SLC24A3: variants seen among roughly 807,000 people sequenced by gnomAD.
SLC24A3 encodes the protein solute carrier family 24 member 3, also known as sodium/potassium/calcium exchanger 3.
SLC24A3 carries 28 observed loss-of-function variants against 75.8 expected under a neutral mutation model. The ratio of observed to expected loss-of-function variants is 0.37; its 90% CI spans 0.27 to 0.51. The LOEUF is 0.51. SLC24A3 is among the 20% of genes least tolerant of loss of function. SLC24A3 has a pLI of 0.94. For missense variants in SLC24A3, 663 were observed against 847.8 expected, an observed-to-expected ratio of 0.78 and a Z score of 2.71; for synonymous variants, 372 against 334.1, an observed-to-expected ratio of 1.11 and a Z score of -1.24.
At chr20:19,640,755 T>A (rs6046217) in intron 6 of SLC24A3, among the ~76,000 whole-genome samples, 98,147 of 152,034 alleles carry the variant, frequency 0.65, 32,567 homozygotes, top group African/African-American at 0.77. Flanking sequence ...GTTTCAGAAA[T>A]TATATATGTA....
At chr20:19,214,989 C>A (rs866712274) in intron 1 of SLC24A3, among the ~76,000 whole-genome samples, 1 of 152,122 alleles carries the variant, frequency 6.6e-6, no homozygotes, top group African/African-American at 2.4e-5. Context: ...CCCTGTGTTG[C>A]CCCCGAATGA....
At chr20:19,345,372 A>G in intron 2 of SLC24A3, among the ~76,000 whole-genome samples, 1 of 152,210 alleles carries the variant, frequency 6.6e-6, no homozygotes. Context: ...AAATCTCAGT[A>G]ATTTATTTTG....
At chr20:19,550,643 G>A (rs1001808941) in intron 3 of SLC24A3, among the ~76,000 whole-genome samples, 3 of 152,234 alleles carry the variant, frequency 2.0e-5, no homozygotes, top group Non-Finnish European at 2.9e-5. Flanking sequence ...CTAGGTTTTC[G>A]GCCAAGATAT....
At chr20:19,613,642 A>T (rs1018749677) in intron 6 of SLC24A3, among the ~76,000 whole-genome samples, 1 of 152,144 alleles carries the variant, frequency 6.6e-6, no homozygotes, top group African/African-American at 2.4e-5. Flanking sequence ...TGGCCTCAAG[A>T]CACCTGTTCC....
rs115724711 is a variant in SLC24A3, at chr20:19,277,957, G to A, written c.143-3002G>A. Among the ~76,000 whole-genome samples, 1,243 of 152,250 alleles carry A rather than the reference G, an allele frequency of 8.2e-3. 19 individuals are homozygous for A. Among genetic ancestry groups the A allele is most frequent in the African/African-American group, 0.029 (1,191 of 41,536 alleles). ...CCTTGACCCAGAGAACAGTGGAATG[G>A]CCACGCTGCTGGCCACAGCATGACT... On this transcript the variant is annotated intron_variant, in intron 1 of 16. Transcript: ENST00000328041.
In SLC24A3 at chr20:19,663,046, C is replaced by G. The variant is rs1332721005; in HGVS notation, c.688-2818C>G. Among the ~76,000 whole-genome samples, 4 of 152,258 alleles carry G rather than the reference C, an allele frequency of 2.6e-5. No homozygotes were observed. The East Asian group carries it at 7.8e-4, about 30-fold the overall frequency. On this transcript the variant is annotated intron_variant, in intron 7 of 16. Transcript: ENST00000328041. ...TTGATAGCTCATCTCCACCTTCTTT[C>G]TCATGATGAGGAAGCCCTGCTTCTG... is the stretch of plus-strand genomic sequence containing the variant.
intron 2 of SLC24A3, among the ~76,000 whole-genome samples, chr20:19,346,611 T>C (rs1384061548): frequency 1.3e-5 from 2 of 152,050 alleles, no homozygotes; most frequent in Non-Finnish European, 2.9e-5. Flanking sequence ...AAACATCATA[T>C]GTTCTCACTC....
chr20:19,410,595 C>T (rs1051864542), intron 2 of SLC24A3, among the ~76,000 whole-genome samples: 2 of 151,972 alleles, frequency 1.3e-5, no homozygotes, highest in Admixed American at 6.6e-5. Flanking sequence ...GAAAAATAAG[C>T]GTGGTTCTCT....
At chr20:19,252,297 C>T (rs2122181312) in intron 1 of SLC24A3, among the ~76,000 whole-genome samples, 1 of 152,304 alleles carries the variant, frequency 6.6e-6, no homozygotes, top group African/African-American at 2.4e-5. Context: ...TGGAGCCAGT[C>T]TTTCAACAGC....
At chr20:19,575,734 A>G (rs1262314340) in intron 3 of SLC24A3, among the ~76,000 whole-genome samples, 6 of 152,142 alleles carry the variant, frequency 3.9e-5, no homozygotes, top group Admixed American at 3.9e-4. Flanking sequence ...CAGCCCAAGC[A>G]TTTTCAGGAG....
At chr20:19,530,230 G>A (rs1330929094) in intron 3 of SLC24A3, among the ~76,000 whole-genome samples, 2 of 152,196 alleles carry the variant, frequency 1.3e-5, no homozygotes, top group African/African-American at 4.8e-5. Flanking sequence ...TAAGACATGG[G>A]CAGAGACTTT....
At chr20:19,678,305 C>G (rs1401663446) in intron 9 of SLC24A3, among the ~76,000 whole-genome samples, 6 of 137,480 alleles carry the variant, frequency 4.4e-5, no homozygotes, top group African/African-American at 8.1e-5. Flanking sequence ...CACCCCTCAC[C>G]TCCCAGACGG....
chr20:19,477,313 G>T (rs958717228), intron 2 of SLC24A3, among the ~76,000 whole-genome samples: 1 of 152,212 alleles, frequency 6.6e-6, no homozygotes, highest in Admixed American at 6.5e-5. Context: ...AAAGATTCCA[G>T]ATCCTCTGTT....
intron 2 of SLC24A3, among the ~76,000 whole-genome samples, chr20:19,494,764 C>A (rs1440408098): frequency 6.6e-6 from 1 of 152,142 alleles, no homozygotes; most frequent in African/African-American, 2.4e-5. Flanking sequence ...GCAAATCTTG[C>A]TCTGGCCATC....
At chr20:19,256,788 A>G (rs1194673394) in intron 1 of SLC24A3, among the ~76,000 whole-genome samples, 3 of 148,786 alleles carry the variant, frequency 2.0e-5, no homozygotes, top group Admixed American at 6.7e-5. Context: ...AAAAAAAAAA[A>G]GAGAATTTTA....
intron 3 of SLC24A3, among the ~76,000 whole-genome samples, chr20:19,566,059 A>G (rs2030952635): frequency 6.6e-6 from 1 of 152,190 alleles, no homozygotes; most frequent in Non-Finnish European, 1.5e-5. Context: ...TTATTCATTC[A>G]AATTCCAGAA....
chr20:19,640,845 G>GATAATAA (rs1311019173), intron 6 of SLC24A3, among the ~76,000 whole-genome samples: 1 of 152,132 alleles, frequency 6.6e-6, no homozygotes, highest in African/African-American at 2.4e-5. Flanking sequence ...GGAAGAAATT[G>GATAATAA]ATAAAAACTT....
At position 19,636,147 on chromosome 20, in the gene SLC24A3, GAAA is replaced by G. The variant is rs1270469276; in HGVS notation, c.613-17914_613-17912del. Among the ~76,000 whole-genome samples the G allele has an allele frequency of 5.9e-5, 4 of 67,992 alleles. No individual in the cohort carries two copies. The African/African-American group carries it at 9.4e-4, about 16-fold the overall frequency. 44.6% of individuals were successfully genotyped at this position (67,992 alleles called of 152,430 possible). A position where few individuals can be genotyped will look rare whatever the true frequency, so the allele number is the denominator to read the frequency against. ...AGAGCGAGACTCCATCTCAAAAAAA[GAAA>G]GAAAGAAAGAAAGAAAGATCTCCCA... On this transcript the variant is annotated intron_variant, in intron 6 of 16. Coordinates refer to ENST00000328041, the MANE Select transcript of SLC24A3 (RefSeq NM_020689.4).
At chr20:19,577,142 C>A (rs1012909128) in intron 3 of SLC24A3, among the ~76,000 whole-genome samples, 1 of 152,008 alleles carries the variant, frequency 6.6e-6, no homozygotes, top group African/African-American at 2.4e-5. Context: ...GCAAGCTCCC[C>A]CTCCCAGGTT....
Sources: allele counts gnomAD v4.1 joint callset (sites outside exome capture counted in the v4.1 genomes callset), GRCh38; gene constraint gnomAD v4.1.1; transcripts MANE v1.5; gene names NCBI Gene and HGNC (gene_info 2026-07-23, HGNC 2026-07-21).